The following CELF2 variants were observed in gnomAD, a reference collection of about 807,000 sequenced individuals.
The protein encoded by CELF2 is CUGBP Elav-like family member 2, also known as CUG triplet repeat RNA-binding protein 2.
A neutral mutation model predicts 62.6 loss-of-function variants in CELF2; 8 were observed. That is an observed-to-expected ratio of 0.13 (90% CI 0.07 to 0.23). The LOEUF (loss-of-function observed/expected upper bound fraction) is 0.23, where lower values mean the gene tolerates loss of function less well. Among genes scored for constraint, CELF2 ranks in the 10% least tolerant of loss-of-function variants. The pLI is 1.00. For synonymous variants in CELF2, 258 were observed against 250.0 expected, an observed-to-expected ratio of 1.03 and a Z score of -0.30; for missense variants, 333 against 671.0, an observed-to-expected ratio of 0.50 and a Z score of 5.56.
rs2058478243 is a variant in CELF2 at position 11,022,424 on chromosome 10, A to T, written c.74+4261A>T. On this transcript the variant is annotated intron_variant, in intron 1 of 12. Transcript: ENST00000633077. The stretch of plus-strand genomic sequence containing the variant: ...TGATGAGATGCAGTGAGCTGGGGAA[A>T]CAAGACCCTTGAAAGACAAGATAAA... Among the ~76,000 whole-genome samples the T allele has an allele frequency of 2.0e-5, 3 of 152,310 alleles. No homozygotes were observed. The South Asian group carries it at 6.2e-4, about 32-fold the overall frequency.
At chr10:11,066,647 G>T (rs1037190422) in intron 1 of CELF2, among the ~76,000 whole-genome samples, 1 of 152,168 alleles carries the variant, frequency 6.6e-6, no homozygotes, top group Non-Finnish European at 1.5e-5. Context: ...CCCAAAGGAT[G>T]ATACTATGTC....
At chr10:10,873,659 C>A (rs1266315033) in intron 1 of CELF2, among the ~76,000 whole-genome samples, 1 of 152,158 alleles carries the variant, frequency 6.6e-6, no homozygotes, top group Non-Finnish European at 1.5e-5. Flanking sequence ...GGGTTTTTAA[C>A]CAAGGTTGTA....
chr10:10,910,875 G>A (rs1271565417), intron 1 of CELF2, among the ~76,000 whole-genome samples: 1 of 152,144 alleles, frequency 6.6e-6, no homozygotes, highest in Non-Finnish European at 1.5e-5. Flanking sequence ...ATCTTCAAGA[G>A]CTGGTTACAT....
the CELF2 span, among the ~76,000 whole-genome samples, chr10:10,786,494 T>A: frequency 1.3e-5 from 2 of 148,172 alleles, no homozygotes; most frequent in African/African-American, 2.5e-5. Flanking sequence ...AAAAAAAAAA[T>A]TCCTAGAAAG....
chr10:10,544,023 T>C, the CELF2 span, among the ~76,000 whole-genome samples: 6 of 152,212 alleles, frequency 3.9e-5, no homozygotes, highest in Non-Finnish European at 8.8e-5. Context: ...GAATCAATTA[T>C]GTCCCTAAAA....
chr10:10,690,985 C>A, the CELF2 span, among the ~76,000 whole-genome samples: 1 of 151,220 alleles, frequency 6.6e-6, no homozygotes, highest in Non-Finnish European at 1.5e-5. Context: ...GGGAAATCGC[C>A]ATATTCCTAG....
intron 1 of CELF2, among the ~76,000 whole-genome samples, chr10:10,808,243 C>A (rs2131651508): frequency 6.6e-6 from 1 of 152,292 alleles, no homozygotes; most frequent in African/African-American, 2.4e-5. Flanking sequence ...AGATCCTGGA[C>A]ACAAAGGGCA....
At chr10:10,516,425 T>C in the CELF2 span, among the ~76,000 whole-genome samples, 1 of 152,228 alleles carries the variant, frequency 6.6e-6, no homozygotes, top group Non-Finnish European at 1.5e-5. Context: ...GTTGCTAAAT[T>C]GCTACTGTTT....
At chr10:10,787,287 T>A in the CELF2 span, among the ~76,000 whole-genome samples, 2 of 152,158 alleles carry the variant, frequency 1.3e-5, no homozygotes, top group African/African-American at 4.8e-5. Flanking sequence ...TTTTTGCAAA[T>A]GAATTATAAT....
upstream of CELF2, among the ~76,000 whole-genome samples, chr10:11,003,697 A>G (rs182500585): frequency 1.3e-5 from 2 of 152,152 alleles, no homozygotes; most frequent in Non-Finnish European, 2.9e-5. This position sits in a 1 kb window ranked among gnomAD's most constrained non-coding sequence, Gnocchi z 4.4. Context: ...TCTCCCTAAG[A>G]TCTCTCTGGT....
the CELF2 span, among the ~76,000 whole-genome samples, chr10:10,576,976 A>G: frequency 8.5e-4 from 129 of 152,326 alleles, no homozygotes; most frequent in African/African-American, 3.0e-3. Flanking sequence ...ATTCACTCCC[A>G]TTACCTCAGC....
intron 7 of CELF2, among the ~76,000 whole-genome samples, chr10:11,273,513 C>G (rs193302596): frequency 3.5e-4 from 54 of 152,184 alleles, no homozygotes; most frequent in Non-Finnish European, 5.9e-4. Context: ...AACTTCTTTC[C>G]CCGGTGCCAA....
intron 1 of CELF2, among the ~76,000 whole-genome samples, chr10:11,080,040 C>A (rs1594791861): frequency 6.6e-6 from 1 of 152,284 alleles, no homozygotes; most frequent in South Asian, 2.1e-4. Context: ...ATGTTTTAGC[C>A]ATATTTATGA....
the CELF2 span, among the ~76,000 whole-genome samples, chr10:10,737,522 C>T: frequency 6.6e-6 from 1 of 152,044 alleles, no homozygotes. Flanking sequence ...CTTTTCAATG[C>T]CCATACTATG....
chr10:11,264,177 G>GA, intron 5 of CELF2, among the ~76,000 whole-genome samples: 1 of 152,316 alleles, frequency 6.6e-6, no homozygotes, highest in Middle Eastern at 3.4e-3. Flanking sequence ...GTTGTTAGAG[G>GA]AAAGGGCAAT....
chr10:11,172,281 C>T (rs898631868), intron 2 of CELF2, among the ~76,000 whole-genome samples: 1 of 152,142 alleles, frequency 6.6e-6, no homozygotes, highest in South Asian at 2.1e-4. Flanking sequence ...GGCTGACCGA[C>T]GACCTATGGG....
At chr10:11,009,013 G>A (rs918838776) in intron 1 of CELF2, among the ~76,000 whole-genome samples, 4 of 143,604 alleles carry the variant, frequency 2.8e-5, no homozygotes, top group Non-Finnish European at 4.7e-5. Context: ...TGCGGGGGGG[G>A]GGGGGGAGCA....
At position 11,300,837 on chromosome 10, in the gene CELF2, C is replaced by T. The variant is rs777483347; in HGVS notation, c.976+12285C>T. On this transcript the variant is annotated intron_variant, in intron 9 of 12. Transcript: ENST00000633077. The surrounding 1 kb of genome is among the most constrained non-coding windows in gnomAD (Gnocchi z 5.5). ...ATGCAGGCGATTTTCTCCGTGTTTA[C>T]AATGATTTTATTTCCTAAACCACAA... is the stretch of plus-strand genomic sequence containing the variant. Among the ~76,000 whole-genome samples, 1 of 151,992 alleles carries T rather than the reference C, an allele frequency of 6.6e-6. No individual in the cohort carries two copies. Among genetic ancestry groups the T allele is most frequent in the Non-Finnish European group, 1.5e-5 (1 of 68,024 alleles).
intron 1 of CELF2, among the ~76,000 whole-genome samples, chr10:10,898,786 A>C (rs1390504204): frequency 6.6e-6 from 1 of 152,210 alleles, no homozygotes; most frequent in Non-Finnish European, 1.5e-5. Context: ...TTTATAAAGC[A>C]TCATACCCAA....
Sources: allele counts gnomAD v4.1 joint callset (sites outside exome capture counted in the v4.1 genomes callset), GRCh38; gene constraint gnomAD v4.1.1; non-coding constraint Gnocchi (gnomAD v3.1); transcripts MANE v1.5; gene names NCBI Gene and HGNC (gene_info 2026-07-23, HGNC 2026-07-21).